The following PCLO variants were observed in gnomAD, a reference collection of about 807,000 sequenced individuals.
PCLO encodes protein piccolo.
A neutral mutation model predicts 427.5 loss-of-function variants in PCLO; 82 were observed. The observed-to-expected ratio is 0.19, with a 90% CI of 0.16 to 0.23. The LOEUF (loss-of-function observed/expected upper bound fraction) is 0.23, where lower values mean the gene tolerates loss of function less well. Among genes scored for constraint, PCLO ranks in the 10% least tolerant of loss-of-function variants. PCLO has a pLI of 1.00. For missense variants in PCLO, 6,239 were observed against 6,115.9 expected (o/e 1.02, Z -0.67); for synonymous variants, 2,357 against 2,155.4 (o/e 1.09, Z -2.59).
intron 10 of PCLO, among the ~76,000 whole-genome samples, chr7:82,850,935 A>C (rs1792637667): frequency 6.6e-6 from 1 of 152,172 alleles, no homozygotes; most frequent in Non-Finnish European, 1.5e-5. Flanking sequence ...CAGATTCATT[A>C]GTCATTAGAA....
In PCLO at chr7:82,966,339, ACTG is replaced by A. The variant is rs1386172731; in HGVS notation, c.3446_3448del (p.Ala1149del). On this transcript the variant is annotated inframe_deletion, in exon 4 of 25. Coordinates refer to ENST00000333891, the MANE Select transcript of PCLO (RefSeq NM_033026.6). ...TTTCACTAATTTTACTTGGGGAGGC[ACTG>A]CTGTTTTCTGAGATGATGATTCTGT... 6.2e-7 allele frequency: 1 copy of A among 1,613,792 alleles called. No individual in the cohort carries two copies.
intron 10 of PCLO, among the ~76,000 whole-genome samples, chr7:82,849,426 T>C (rs181845618): frequency 1.3e-5 from 2 of 152,308 alleles, no homozygotes; most frequent in East Asian, 3.9e-4. Context: ...TTCAGTGCTG[T>C]AGTTCAAAAG....
At chr7:83,142,056 A>G (rs2116640170) in intron 2 of PCLO, among the ~76,000 whole-genome samples, 1 of 150,922 alleles carries the variant, frequency 6.6e-6, no homozygotes, top group Admixed American at 6.6e-5. Context: ...ACACACACAC[A>G]CAATTCCAGA....
intron 6 of PCLO, among the ~76,000 whole-genome samples, chr7:82,920,173 A>G (rs1436200080): frequency 6.6e-6 from 1 of 151,914 alleles, no homozygotes; most frequent in African/African-American, 2.4e-5. Flanking sequence ...TTAAATCAAT[A>G]TAACATAAAA....
chr7:82,972,066 G>GT (rs1795920207), intron 3 of PCLO, among the ~76,000 whole-genome samples: 1 of 151,694 alleles, frequency 6.6e-6, no homozygotes, highest in Non-Finnish European at 1.5e-5. Context: ...AATAATCAGG[G>GT]TATCAAAATT....
rs66871387 is a variant in PCLO at position 82,978,857 on chromosome 7, A to AACAC, written c.3301-12374_3301-12371dup. 3.1e-3 allele frequency among the ~76,000 whole-genome samples: 436 copies of AACAC among 138,676 alleles called. 5 individuals carry two copies. The highest frequency in any genetic ancestry group is 9.0e-3 in the African/African-American group (318 of 35,504). 91.0% of individuals were successfully genotyped at this position (138,676 alleles called of 152,430 possible). A position where few individuals can be genotyped will look rare whatever the true frequency, so the allele number is the denominator to read the frequency against. ...AGAAACACACACACACACACACACA[A>AACAC]ACACACACACACACACACACACACA... is the stretch of plus-strand genomic sequence containing the variant. On this transcript the variant is annotated intron_variant, in intron 3 of 24. Coordinates refer to ENST00000333891, the MANE Select transcript of PCLO (RefSeq NM_033026.6).
chr7:83,097,829 T>C (rs1790634376), intron 3 of PCLO, among the ~76,000 whole-genome samples: 1 of 151,858 alleles, frequency 6.6e-6, no homozygotes, highest in African/African-American at 2.4e-5. Flanking sequence ...AAAAACTTTT[T>C]AGCTGAATAA....
intron 22 of PCLO, among the ~76,000 whole-genome samples, chr7:82,764,190 T>C (rs1178360936): frequency 1.3e-5 from 2 of 151,982 alleles, no homozygotes; most frequent in African/African-American, 2.4e-5. Flanking sequence ...GGATTACTGA[T>C]TTTTGTATAG....
Position 82,953,350 on chromosome 7 carries a change from C to T in PCLO, c.7603G>A (p.Gly2535Ser). The change falls in exon 5 of 25, where the codon GGC becomes AGC. Residue 2535 changes from glycine to serine, a missense_variant. Coordinates refer to ENST00000333891, the MANE Select transcript of PCLO (RefSeq NM_033026.6). The stretch of plus-strand genomic sequence containing the variant: ...GTCATACTTGAAGTTAAAGATAGGC[C>T]TGTTGGTTTGGGGTGTATATCTGTT... Reference protein sequence around the residue: ...KPTDIHPKPTGLSLTSSMTLN... With the variant: ...KPTDIHPKPTSLSLTSSMTLN... 1.2e-6 allele frequency: 2 copies of T among 1,613,572 alleles called. No homozygotes were observed. The highest frequency in any genetic ancestry group is 2.2e-5 in the East Asian group (1 of 44,818).
chr7:82,911,231 C>T (rs138689585), intron 7 of PCLO, among the ~76,000 whole-genome samples: 195 of 152,088 alleles, frequency 1.3e-3, no homozygotes, highest in African/African-American at 4.5e-3. Flanking sequence ...TCATCCTTTG[C>T]ACAGGAATTT....
intron 3 of PCLO, among the ~76,000 whole-genome samples, chr7:83,056,503 A>G (rs1443637478): frequency 6.6e-6 from 1 of 152,246 alleles, no homozygotes; most frequent in African/African-American, 2.4e-5. Context: ...TAATAAATGC[A>G]CTTGTCTTTA....
At chr7:82,805,885 C>T (rs1791448600) in intron 20 of PCLO, 56 bp from the exon 21 acceptor site, 9 of 1,501,502 alleles carry the variant, frequency 6.0e-6, no homozygotes, top group Non-Finnish European at 8.2e-6. Flanking sequence ...TGACATTGAT[C>T]TACAAATGCA....
At chr7:82,999,357 C>T (rs1461770780) in intron 3 of PCLO, among the ~76,000 whole-genome samples, 1 of 128,050 alleles carries the variant, frequency 7.8e-6, no homozygotes, top group African/African-American at 3.0e-5. Context: ...AATATATATA[C>T]TTTTTCCATT....
chr7:82,760,026 T>C (rs1215031486), intron 24 of PCLO, among the ~76,000 whole-genome samples: 1 of 151,928 alleles, frequency 6.6e-6, no homozygotes, highest in African/African-American at 2.4e-5. Flanking sequence ...TTGTGATAGA[T>C]GGCGAGAGTT....
At chr7:82,900,399 A>C (rs1489976384) in intron 9 of PCLO, among the ~76,000 whole-genome samples, 3 of 151,760 alleles carry the variant, frequency 2.0e-5, no homozygotes, top group Non-Finnish European at 4.4e-5. Context: ...TATAACACAT[A>C]AATTAAATAT....
intron 3 of PCLO, among the ~76,000 whole-genome samples, chr7:83,061,738 C>A (rs958061360): frequency 6.6e-6 from 1 of 152,158 alleles, no homozygotes; most frequent in Admixed American, 6.5e-5. Context: ...TATTACCCTA[C>A]ATGACTCCTC....
At chr7:82,794,460 T>C (rs200447367) in intron 22 of PCLO, among the ~76,000 whole-genome samples, 1 of 32,006 alleles carries the variant, frequency 3.1e-5, no homozygotes, top group Non-Finnish European at 4.5e-5. Flanking sequence ...ATTTTTTTTC[T>C]TTTTTTTTTT....
chr7:83,070,830 G>C (rs1789796970), intron 3 of PCLO, among the ~76,000 whole-genome samples: 1 of 152,138 alleles, frequency 6.6e-6, no homozygotes, highest in Admixed American at 6.5e-5. Context: ...TGTGGACTCA[G>C]CCATTTCAAC....
chr7:82,864,719 T>C (rs1303260594), intron 10 of PCLO, among the ~76,000 whole-genome samples: 1 of 152,084 alleles, frequency 6.6e-6, no homozygotes, highest in Non-Finnish European at 1.5e-5. Flanking sequence ...TGCCTCTATT[T>C]TGACAATGGA....
Sources: gnomAD v4.1 joint callset for allele counts (sites outside exome capture counted in the v4.1 genomes callset) on GRCh38, gnomAD v4.1.1 for gene constraint, MANE v1.5 for transcripts, NCBI Gene and HGNC (gene_info 2026-07-23, HGNC 2026-07-21) for gene names.